ZNF609: variants seen among roughly 807,000 people sequenced by gnomAD.
ZNF609 encodes zinc finger protein 609.
A neutral mutation model predicts 109.5 loss-of-function variants in ZNF609; 11 were observed. That is an observed-to-expected ratio of 0.10 (90% CI 0.06 to 0.17). ZNF609 has a LOEUF of 0.17. Among genes scored for constraint, ZNF609 ranks in the 10% least tolerant of loss-of-function variants. ZNF609 has a pLI of 1.00. For missense variants in ZNF609, 1,559 were observed against 1,772.4 expected, an observed-to-expected ratio of 0.88 and a Z score of 2.16; for synonymous variants, 646 against 662.0, an observed-to-expected ratio of 0.98 and a Z score of 0.37.
chr15:64,668,947 C>T (rs1439593559), intron 3 of ZNF609, among the ~76,000 whole-genome samples: 14 of 110,638 alleles, frequency 1.3e-4, no homozygotes, highest in East Asian at 4.8e-4. Context: ...AGCGAAACTC[C>T]GTCTCAAAAA....
chr15:64,553,261 C>T (rs1894515374), intron 2 of ZNF609, among the ~76,000 whole-genome samples: 1 of 142,218 alleles, frequency 7.0e-6, no homozygotes. Flanking sequence ...TTCAGCTTGT[C>T]CATGCCTTAA....
chr15:64,641,219 C>CTTTTTTT (rs34007985), intron 3 of ZNF609, among the ~76,000 whole-genome samples: 1,738 of 69,664 alleles, frequency 0.025, 92 homozygotes, highest in Middle Eastern at 0.061. Context: ...CTTGTGCTTT[C>CTTTTTTT]TTTTTTTTTT....
chr15:64,558,042 A>G (rs1360212386), intron 2 of ZNF609, among the ~76,000 whole-genome samples: 2 of 152,180 alleles, frequency 1.3e-5, no homozygotes, highest in Middle Eastern at 3.2e-3. Context: ...ATTGGTGTAT[A>G]TCATACATAG....
In ZNF609 at chr15:64,680,696, T is replaced by A; in HGVS notation, c.3996T>A (p.Val1332=). The change falls in exon 8 of 10, where the codon GTT becomes GTA. Residue 1332 remains valine (V), a synonymous_variant. Transcript: ENST00000326648. ...QERDRGGCGV[V]GGGGSCSSVG... Reference sequence around the variant, plus strand: ...GAGATCGAGGAGGCTGTGGGGTGGTTGGGGGTGGTGGCAGCTGTAGCAGCG... The same window carrying A: ...GAGATCGAGGAGGCTGTGGGGTGGTAGGGGGTGGTGGCAGCTGTAGCAGCG... The A allele has an allele frequency of 6.3e-7, 1 of 1,578,932 alleles. No individual in the cohort carries two copies.
chr15:64,658,536 C>T (rs1896525056), intron 3 of ZNF609, among the ~76,000 whole-genome samples: 1 of 151,958 alleles, frequency 6.6e-6, no homozygotes. Context: ...CCATGGCTCA[C>T]ACTTATAATC....
chr15:64,512,811 G>A (rs1001402086), intron 2 of ZNF609, among the ~76,000 whole-genome samples: 3 of 152,026 alleles, frequency 2.0e-5, no homozygotes, highest in African/African-American at 7.2e-5. Flanking sequence ...ACCTAATTGT[G>A]CAGCAAACTC....
rs535906112 is a variant in ZNF609 at position 64,636,065 on chromosome 15, T to C, written c.973+13013T>C. Among the ~76,000 whole-genome samples the C allele has an allele frequency of 2.2e-4, 33 of 152,320 alleles. No individual in the cohort carries two copies. In the South Asian group the frequency reaches 4.8e-3, roughly 22 times the overall value. On this transcript the variant is annotated intron_variant, in intron 3 of 9. Transcript: ENST00000326648. Reference sequence around the variant, plus strand: ...CATTAGGCAGCATTGCTAAGTGGCCTTGTGTTTTGTCTGCCAGGCTTAAGC... The same window carrying C: ...CATTAGGCAGCATTGCTAAGTGGCCCTGTGTTTTGTCTGCCAGGCTTAAGC...
At position 64,629,091 on chromosome 15, in the gene ZNF609, T is replaced by C. The variant is rs965190411; in HGVS notation, c.973+6039T>C. ...AAACTCTCCTCTCTTGCCTTGGTCA[T>C]AAATCTCATTTCTCTTTATAACTGG... On this transcript the variant is annotated intron_variant, in intron 3 of 9. Coordinates refer to ENST00000326648, the MANE Select transcript of ZNF609 (RefSeq NM_015042.2). Among the ~76,000 whole-genome samples, 5 of 152,354 alleles carry C rather than the reference T, an allele frequency of 3.3e-5. No individual in the cohort carries two copies. In the East Asian group the frequency reaches 7.7e-4, roughly 23 times the overall value.
At chr15:64,568,352 T>C (rs2140411191) in intron 2 of ZNF609, among the ~76,000 whole-genome samples, 1 of 152,350 alleles carries the variant, frequency 6.6e-6, no homozygotes, top group African/African-American at 2.4e-5. Context: ...CACTTTGTCA[T>C]GTACCTCATG....
chr15:64,579,620 G>C (rs1242532192), intron 2 of ZNF609, among the ~76,000 whole-genome samples: 1 of 151,752 alleles, frequency 6.6e-6, no homozygotes, highest in Non-Finnish European at 1.5e-5. Flanking sequence ...TGAGGCAGGA[G>C]AATCACTTAA....
At chr15:64,571,610 A>G (rs1753076748) in intron 2 of ZNF609, among the ~76,000 whole-genome samples, 1 of 152,210 alleles carries the variant, frequency 6.6e-6, no homozygotes, top group South Asian at 2.1e-4. Context: ...ACTGGATGCC[A>G]GAGGTTAAGC....
intron 3 of ZNF609, among the ~76,000 whole-genome samples, chr15:64,645,008 T>TTC (rs1567037977): frequency 0.022 from 3,010 of 139,944 alleles, 39 homozygotes; most frequent in South Asian, 0.041. Context: ...TTTCTTTCTT[T>TTC]CTTCCTTCCT....
rs139922537 is a variant in ZNF609, at chr15:64,576,665, G to A, written c.748-46162G>A. Among the ~76,000 whole-genome samples, 13 of 151,640 alleles carry A rather than the reference G, an allele frequency of 8.6e-5. No homozygotes were observed. In the East Asian group the frequency reaches 1.2e-3, roughly 14 times the overall value. Reference sequence around the variant, plus strand: ...CTCAAAATAGTGGATGGAGCCAGGCGTGGTGGCTCAAGCCTGTAATCCCAG... The same window carrying A: ...CTCAAAATAGTGGATGGAGCCAGGCATGGTGGCTCAAGCCTGTAATCCCAG... On this transcript the variant is annotated intron_variant, in intron 2 of 9. Transcript: ENST00000326648.
chr15:64,610,608 A>G (rs1895700940), intron 2 of ZNF609, among the ~76,000 whole-genome samples: 1 of 152,134 alleles, frequency 6.6e-6, no homozygotes, highest in Non-Finnish European at 1.5e-5. Context: ...TGATTGCGCC[A>G]CTGTAGTCCG....
At chr15:64,533,687 T>G (rs1894095481) in intron 2 of ZNF609, among the ~76,000 whole-genome samples, 1 of 152,108 alleles carries the variant, frequency 6.6e-6, no homozygotes, top group Non-Finnish European at 1.5e-5. Flanking sequence ...TTTTCTTGTT[T>G]CCCATTTTTC....
At chr15:64,506,546 C>T (rs61477175) in intron 2 of ZNF609, among the ~76,000 whole-genome samples, 112,274 of 150,918 alleles carry the variant, frequency 0.74, 45,235 homozygotes, top group East Asian at 0.96. Context: ...CATGGAGAAA[C>T]CCTGTCTCTA....
chr15:64,650,007 C>T (rs1321242123), intron 3 of ZNF609, among the ~76,000 whole-genome samples: 1 of 151,436 alleles, frequency 6.6e-6, no homozygotes, highest in Non-Finnish European at 1.5e-5. Flanking sequence ...CCAGGTATAT[C>T]GTGGCATGTG....
At chr15:64,570,879 A>G (rs1374875155) in intron 2 of ZNF609, among the ~76,000 whole-genome samples, 1 of 152,116 alleles carries the variant, frequency 6.6e-6, no homozygotes, top group Admixed American at 6.6e-5. Context: ...TACAAAAATT[A>G]GCCAGGTGTG....
intron 2 of ZNF609, among the ~76,000 whole-genome samples, chr15:64,514,362 G>A (rs72741381): frequency 0.048 from 7,330 of 152,280 alleles, 235 homozygotes; most frequent in South Asian, 0.086. Context: ...ATAGCTTAAT[G>A]TAATGATTAT....
Sources: allele counts gnomAD v4.1 joint callset (sites outside exome capture counted in the v4.1 genomes callset), GRCh38; gene constraint gnomAD v4.1.1; transcripts MANE v1.5; gene names NCBI Gene and HGNC (gene_info 2026-07-23, HGNC 2026-07-21).